The following NBEA variants were observed in gnomAD, a reference collection of about 807,000 sequenced individuals.
The protein encoded by NBEA is neurobeachin.
In NBEA, 44 loss-of-function variants were observed where a neutral mutation model predicts 343.4. The observed-to-expected ratio is 0.13, with a 90% CI of 0.10 to 0.16. NBEA has a LOEUF of 0.16. Ranked by LOEUF, NBEA falls within the 10% of genes least tolerant of loss-of-function variation. The pLI is 1.00. For missense variants in NBEA, 2,555 were observed against 3,631.3 expected, an observed-to-expected ratio of 0.70 and a Z score of 7.62; for synonymous variants, 1,175 against 1,238.7, an observed-to-expected ratio of 0.95 and a Z score of 1.08.
At chr13:35,502,129 C>T (rs769673260) in intron 41 of NBEA, among the ~76,000 whole-genome samples, 2 of 152,026 alleles carry the variant, frequency 1.3e-5, no homozygotes, top group Admixed American at 6.6e-5. Flanking sequence ...TGTAAACTTA[C>T]GACTGTGAAT....
At chr13:35,597,836 G>A (rs2153046058) in intron 47 of NBEA, among the ~76,000 whole-genome samples, 1 of 152,228 alleles carries the variant, frequency 6.6e-6, no homozygotes, top group South Asian at 2.1e-4. Flanking sequence ...AGCAAGTCAT[G>A]GGGCCCTCCC....
At position 35,667,501 on chromosome 13, in the gene NBEA, A is replaced by C; in HGVS notation, c.8592A>C (p.Arg2864=). The stretch of plus-strand genomic sequence containing the variant: ...GCCACTGTATCATATACTATGAACG[A>C]GGGCGATTCAGTAATTTCAGCATTA... The part of the protein sequence containing the change: ...SEGHCIIYYE[R]GRFSNFSING... The change falls in exon 57 of 59, where the codon CGA becomes CGC. Residue 2864 remains arginine (R), a synonymous_variant. Coordinates refer to ENST00000379939, the MANE Select transcript of NBEA (RefSeq NM_001385012.1). The C allele has an allele frequency of 1.2e-6, 2 of 1,614,010 alleles. No homozygotes were observed. Among genetic ancestry groups the C allele is most frequent in the Non-Finnish European group, 1.7e-6 (2 of 1,179,874 alleles).
At chr13:35,663,010 G>A (rs1408622884) in intron 55 of NBEA, among the ~76,000 whole-genome samples, 2 of 152,094 alleles carry the variant, frequency 1.3e-5, no homozygotes, top group Admixed American at 6.5e-5. Flanking sequence ...ATACATAATA[G>A]TTGTACATAT....
chr13:35,159,100 A>G lies in NBEA; in HGVS notation c.2929A>G (p.Lys977Glu). ...AGAGGAGGAAAACATTAAAAAGGGA[A>G]AGAAAGGGAATGTGAGCACCATCTC... ...RQEEENIKKG[K>E]KGNVSTISGL... The change falls in exon 22 of 59, where the codon AAG becomes GAG. Residue 977 changes from lysine to glutamate, a missense_variant. Lys to Glu is a moderately conservative substitution (Grantham distance 56). This residue lies in a region of NBEA where 4 missense variants were observed against 20.3 expected (regional missense o/e 0.20). Transcript: ENST00000379939. 1 of 1,613,572 alleles carries G rather than the reference A, an allele frequency of 6.2e-7. No individual in the cohort carries two copies. Among genetic ancestry groups the G allele is most frequent in the Non-Finnish European group, 8.5e-7 (1 of 1,179,636 alleles).
At chr13:35,477,537 C>A (rs191725947) in intron 41 of NBEA, among the ~76,000 whole-genome samples, 1 of 152,214 alleles carries the variant, frequency 6.6e-6, no homozygotes, top group East Asian at 1.9e-4. Context: ...AGCGTTATTT[C>A]ATAGTGACCT....
At chr13:35,458,974 CATAAT>C (rs1363720479) in intron 40 of NBEA, among the ~76,000 whole-genome samples, 1 of 140,318 alleles carries the variant, frequency 7.1e-6, no homozygotes, top group Admixed American at 7.4e-5. Flanking sequence ...TTGGGTTTTT[CATAAT>C]GGTAAGTTTA....
At chr13:35,645,471 T>G (rs1274335498) in intron 49 of NBEA, among the ~76,000 whole-genome samples, 3 of 152,202 alleles carry the variant, frequency 2.0e-5, no homozygotes, top group Non-Finnish European at 4.4e-5. Flanking sequence ...AAAGGTATAT[T>G]GTACAGTCCA....
chr13:35,348,100 T>A (rs1001997825), intron 36 of NBEA, among the ~76,000 whole-genome samples: 2 of 152,118 alleles, frequency 1.3e-5, no homozygotes, highest in Non-Finnish European at 2.9e-5. Context: ...AGTCTCCATT[T>A]TTTGATGACA....
chr13:35,352,094 T>C, intron 37 of NBEA, 63 bp from the exon 38 acceptor site: 1 of 1,014,738 alleles, frequency 9.9e-7, no homozygotes, highest in Middle Eastern at 2.4e-4. Flanking sequence ...CTTAAATGTA[T>C]ATCATCCTTA....
chr13:35,089,623 C>A (rs1477847832), intron 10 of NBEA, among the ~76,000 whole-genome samples: 2 of 125,292 alleles, frequency 1.6e-5, no homozygotes, highest in Admixed American at 8.1e-5. Flanking sequence ...ATGTTTATTG[C>A]GGCATTATTC....
At chr13:35,478,569 G>T (rs968351080) in intron 41 of NBEA, among the ~76,000 whole-genome samples, 7 of 152,192 alleles carry the variant, frequency 4.6e-5, no homozygotes, top group African/African-American at 9.7e-5. Flanking sequence ...TTTCCTCTCT[G>T]GGCTCAAGAT....
At chr13:35,195,386 A>G (rs949095387) in intron 30 of NBEA, among the ~76,000 whole-genome samples, 3 of 151,346 alleles carry the variant, frequency 2.0e-5, no homozygotes, top group East Asian at 1.9e-4. Flanking sequence ...GTATTGGATG[A>G]TATCTTTTTG....
chr13:35,428,687 T>C (rs2044879214), intron 38 of NBEA, among the ~76,000 whole-genome samples: 1 of 152,226 alleles, frequency 6.6e-6, no homozygotes, highest in Non-Finnish European at 1.5e-5. Context: ...CATGGCTCTT[T>C]TAAATTCTCT....
intron 38 of NBEA, among the ~76,000 whole-genome samples, chr13:35,400,783 C>A (rs1243657572): frequency 1.3e-5 from 2 of 151,758 alleles, no homozygotes; most frequent in African/African-American, 4.8e-5. Context: ...CAATCTCAAG[C>A]AAAATTCATT....
chr13:35,308,444 A>C (rs1355243645), intron 35 of NBEA, among the ~76,000 whole-genome samples: 1 of 30,392 alleles, frequency 3.3e-5, no homozygotes, highest in Non-Finnish European at 7.3e-5. Flanking sequence ...TTTACTATAT[A>C]TATATATATA....
intron 35 of NBEA, among the ~76,000 whole-genome samples, chr13:35,300,452 C>T (rs1391986561): frequency 6.6e-6 from 1 of 152,146 alleles, no homozygotes; most frequent in Non-Finnish European, 1.5e-5. Flanking sequence ...ATTTACTTCA[C>T]ACACACTGTA....
intron 13 of NBEA, among the ~76,000 whole-genome samples, chr13:35,112,691 C>G (rs1566304025): frequency 6.6e-6 from 1 of 152,148 alleles, no homozygotes; most frequent in Non-Finnish European, 1.5e-5. Flanking sequence ...ATGTCCCTCA[C>G]CAGATTCTCA....
intron 34 of NBEA, among the ~76,000 whole-genome samples, chr13:35,246,133 GTTGTGA>G (rs2094241648): frequency 1.3e-5 from 2 of 152,062 alleles, no homozygotes; most frequent in Admixed American, 1.3e-4. Context: ...GTTTTCTGAA[GTTGTGA>G]TTGTTTTTTA....
intron 8 of NBEA, among the ~76,000 whole-genome samples, chr13:35,061,168 C>T (rs187896123): frequency 8.0e-4 from 121 of 151,738 alleles, no homozygotes; most frequent in Admixed American, 4.9e-3. Flanking sequence ...TTGCTGGTCA[C>T]TGGAGTGCTA....
Sources: gnomAD v4.1 joint callset for allele counts (sites outside exome capture counted in the v4.1 genomes callset) on GRCh38, gnomAD v4.1.1 for gene constraint, gnomAD v4.1.1 regional missense constraint, MANE v1.5 for transcripts, NCBI Gene and HGNC (gene_info 2026-07-23, HGNC 2026-07-21) for gene names.